The following MYOZ3 variants were observed in gnomAD, a reference collection of about 807,000 sequenced individuals.
The protein encoded by MYOZ3 is myozenin-3.
In MYOZ3, 19 loss-of-function variants were observed where a neutral mutation model predicts 26.5. That is an observed-to-expected ratio of 0.72 (90% CI 0.50 to 1.05). MYOZ3 has a LOEUF of 1.05. Ranked by LOEUF, MYOZ3 falls within the 50% of genes least tolerant of loss-of-function variation. The probability of loss-of-function intolerance (pLI) is 0.00; values close to 1 mark genes in which losing one functional copy is unlikely to be tolerated. For synonymous variants in MYOZ3, 135 were observed against 138.8 expected (o/e 0.97, Z 0.19); for missense variants, 322 against 337.1 (o/e 0.96, Z 0.35).
At chr5:150,672,813 C>T in intron 6 of MYOZ3, 2 of 328,938 alleles carry the variant, frequency 6.1e-6, no homozygotes, top group East Asian at 1.1e-4. Flanking sequence ...ACAACCCGGC[C>T]AAAGCCACAA....
At chr5:150,666,324 G>C (rs1052753045) in intron 2 of MYOZ3, among the ~76,000 whole-genome samples, 2 of 151,702 alleles carry the variant, frequency 1.3e-5, no homozygotes, top group African/African-American at 4.8e-5. Flanking sequence ...TTTTAATATA[G>C]AAATGGGGGC....
chr5:150,662,087 A>G (rs1313380045), intron 1 of MYOZ3, among the ~76,000 whole-genome samples: 2 of 152,190 alleles, frequency 1.3e-5, no homozygotes, highest in East Asian at 3.8e-4. Context: ...TGTTGGGGAT[A>G]CAGATGAAGG....
intron 1 of MYOZ3, among the ~76,000 whole-genome samples, chr5:150,662,567 C>T (rs142837509): frequency 5.9e-5 from 9 of 152,290 alleles, no homozygotes; most frequent in Middle Eastern, 3.4e-3. Flanking sequence ...CTAGGACTCT[C>T]CTGGGTCAAC....
At chr5:150,667,926 C>A (rs1185206931) in intron 2 of MYOZ3, among the ~76,000 whole-genome samples, 1 of 152,166 alleles carries the variant, frequency 6.6e-6, no homozygotes, top group East Asian at 1.9e-4. Context: ...AAGATATTAG[C>A]ATACTGAACA....
At chr5:150,671,524 T>C in intron 3 of MYOZ3, 73 bp from the exon 4 acceptor site, 2 of 1,514,910 alleles carry the variant, frequency 1.3e-6, no homozygotes, top group South Asian at 1.2e-5. Flanking sequence ...ACCTTTTTTT[T>C]TGGTGGAGGG....
intron 2 of MYOZ3, among the ~76,000 whole-genome samples, 200 bp downstream of exon 2, chr5:150,663,202 C>T (rs1254669944): frequency 6.6e-6 from 1 of 152,234 alleles, no homozygotes; most frequent in Admixed American, 6.5e-5. Flanking sequence ...CCCATCTGTC[C>T]ACAGACCCAG....
intron 2 of MYOZ3, among the ~76,000 whole-genome samples, chr5:150,666,603 G>A (rs1451740060): frequency 1.7e-5 from 2 of 117,110 alleles, no homozygotes; most frequent in African/African-American, 3.6e-5. Flanking sequence ...AACAGAGCAA[G>A]ACTCTGTCTC....
chr5:150,660,935 A>G (rs2151441178), upstream of MYOZ3: 1 of 98,724 alleles, frequency 1.0e-5, no homozygotes, highest in South Asian at 3.6e-4. Context: ...GATATTGAGG[A>G]GCAATTCATT....
chr5:150,671,880 C>T lies in MYOZ3; in HGVS notation c.396C>T (p.Cys132=). Residue 132 remains cysteine (C), a synonymous_variant, in exon 5 of 7, where the codon TGC becomes TGT. Coordinates refer to ENST00000517768, the MANE Select transcript of MYOZ3 (RefSeq NM_001122853.3). ...ACCCTGCAGCCGCCCCTGCTGGGTG[C>T]GTCCCCAGCCCCAGCGCCCTGGCGC... ...GAHPAAAPAG[C]VPSPSALAPG... is the part of the protein sequence containing the mutation. The T allele has an allele frequency of 1.3e-6, 2 of 1,577,694 alleles. No homozygotes were observed. Among genetic ancestry groups the T allele is most frequent in the Non-Finnish European group, 8.6e-7 (1 of 1,166,164 alleles).
intron 2 of MYOZ3, among the ~76,000 whole-genome samples, chr5:150,664,008 A>G (rs79233327): frequency 1.3e-5 from 2 of 151,400 alleles, no homozygotes; most frequent in African/African-American, 4.9e-5. Context: ...AAAAAAAAAA[A>G]GAAAAAGAAA....
intron 2 of MYOZ3, among the ~76,000 whole-genome samples, chr5:150,663,615 A>G (rs548757009): frequency 3.3e-5 from 5 of 152,326 alleles, no homozygotes; most frequent in African/African-American, 1.2e-4. Context: ...ATTTTTATCA[A>G]TTTTAGAAGA....
At chr5:150,671,525 T>C in intron 3 of MYOZ3, 72 bp from the exon 4 acceptor site, 1 of 1,513,270 alleles carries the variant, frequency 6.6e-7, no homozygotes, top group Non-Finnish European at 9.1e-7. Context: ...CCTTTTTTTT[T>C]GGTGGAGGGA....
chr5:150,663,106 T>A, intron 2 of MYOZ3, 104 bp downstream of exon 2: 1 of 962,554 alleles, frequency 1.0e-6, no homozygotes, highest in Non-Finnish European at 1.5e-6. Context: ...CAGACAGGTG[T>A]GAGCTCCAGG....
intron 2 of MYOZ3, among the ~76,000 whole-genome samples, chr5:150,667,800 A>G (rs181734291): frequency 6.8e-4 from 103 of 152,316 alleles, no homozygotes; most frequent in African/African-American, 2.4e-3. Context: ...TAGGGAGTAC[A>G]TGGTCCCTCC....
chr5:150,663,425 GC>G (rs1329798241), intron 2 of MYOZ3, among the ~76,000 whole-genome samples: 2 of 152,184 alleles, frequency 1.3e-5, no homozygotes, highest in African/African-American at 4.8e-5. Flanking sequence ...GGATGGCTGG[GC>G]CCCATGGCTA....
rs1193112053 is a variant in MYOZ3, at chr5:150,671,923, C to T, written c.424+15C>T. The T allele has an allele frequency of 2.6e-6, 4 of 1,510,366 alleles. No individual in the cohort carries two copies. Among genetic ancestry groups the T allele is most frequent in the South Asian group, 1.3e-5 (1 of 78,392 alleles). The allele number at this position is 1,510,366 out of a possible 1,614,324, so 93.6% of individuals were successfully genotyped here. A position where few individuals can be genotyped will look rare whatever the true frequency, so the allele number is the denominator to read the frequency against. On this transcript the variant is annotated intron_variant, in intron 5 of 6. Transcript: ENST00000517768. ...CCTGGCGCCAGGTGAGTGGCCTCCTCGGGTCCCGGGACCAGGGCTGGGGGG... is the reference window on the plus strand; with the variant it reads ...CCTGGCGCCAGGTGAGTGGCCTCCTTGGGTCCCGGGACCAGGGCTGGGGGG...
intron 2 of MYOZ3, among the ~76,000 whole-genome samples, chr5:150,668,437 C>G (rs1758841361): frequency 6.6e-6 from 1 of 152,178 alleles, no homozygotes; most frequent in South Asian, 2.1e-4. Context: ...TTAGTTTCTT[C>G]CTATGTTGTG....
chr5:150,663,831 CAA>C (rs879388132), intron 2 of MYOZ3, among the ~76,000 whole-genome samples: 1 of 135,996 alleles, frequency 7.4e-6, no homozygotes. Context: ...TCCATCTCTA[CAA>C]AAAAAAAAAA....
At chr5:150,665,343 C>G (rs550881794) in intron 2 of MYOZ3, among the ~76,000 whole-genome samples, 1 of 152,270 alleles carries the variant, frequency 6.6e-6, no homozygotes, top group South Asian at 2.1e-4. Context: ...AGAATTCATC[C>G]CACCTGAGGC....
Sources: gnomAD v4.1 joint callset for allele counts (sites outside exome capture counted in the v4.1 genomes callset) on GRCh38, gnomAD v4.1.1 for gene constraint, MANE v1.5 for transcripts, NCBI Gene and HGNC (gene_info 2026-07-23, HGNC 2026-07-21) for gene names.